Variants in DNAH7 observed in about 807,000 individuals in gnomAD.
The protein encoded by DNAH7 is dynein axonemal heavy chain 7.
DNAH7 carries 397 observed loss-of-function variants against 444.6 expected under a neutral mutation model. The observed-to-expected ratio is 0.89, with a 90% CI of 0.82 to 0.97. The LOEUF (loss-of-function observed/expected upper bound fraction) is 0.97. Ranked by LOEUF, DNAH7 falls within the 50% of genes least tolerant of loss-of-function variation. The probability of loss-of-function intolerance (pLI) is 0.00; values close to 1 mark genes in which losing one functional copy is unlikely to be tolerated. For missense variants in DNAH7, 4,902 were observed against 4,800.8 expected (o/e 1.02, Z -0.62); for synonymous variants, 1,636 against 1,624.4 (o/e 1.01, Z -0.17).
At chr2:195,959,943 T>A (rs1690966700) in intron 18 of DNAH7, among the ~76,000 whole-genome samples, 1 of 152,148 alleles carries the variant, frequency 6.6e-6, no homozygotes, top group African/African-American at 2.4e-5. Flanking sequence ...TTGTAGGCAA[T>A]AAAAACGAAT....
chr2:196,046,393 A>G (rs527471016), intron 5 of DNAH7, among the ~76,000 whole-genome samples: 1 of 152,332 alleles, frequency 6.6e-6, no homozygotes, highest in Non-Finnish European at 1.5e-5. Flanking sequence ...AAGTTGTGTC[A>G]AGAAAGCTTA....
chr2:195,970,057 T>C lies in DNAH7; in HGVS notation c.2096A>G (p.Tyr699Cys). 2.5e-6 allele frequency: 4 copies of C among 1,612,732 alleles called. No homozygotes were observed. The South Asian group carries it at 4.4e-5, about 18-fold the overall frequency. Reference sequence around the variant, plus strand: ...ATAAAATTCTTCTGATTGCTTAGCATAACTCTCCAATTCCTCCACAAACCG... The same window carrying C: ...ATAAAATTCTTCTGATTGCTTAGCACAACTCTCCAATTCCTCCACAAACCG... ...CERFVEELESYAKQSEEFYSF... is the reference protein window; with the variant it reads ...CERFVEELESCAKQSEEFYSF... Residue 699 changes from tyrosine (Y) to cysteine (C), a missense_variant, in exon 17 of 65, where the codon TAT becomes TGT. By Grantham distance (194) the Tyr-to-Cys change is radical. Transcript: ENST00000312428.
At chr2:195,906,410 A>AACACACACACACACACAC (rs150739355) in intron 27 of DNAH7, among the ~76,000 whole-genome samples, 8 of 139,846 alleles carry the variant, frequency 5.7e-5, no homozygotes, top group African/African-American at 2.3e-4. Flanking sequence ...TACACACAGA[A>AACACACACACACACACAC]ACACACACAC....
intron 12 of DNAH7, among the ~76,000 whole-genome samples, chr2:195,999,908 A>G (rs1269347436): frequency 6.6e-6 from 1 of 152,176 alleles, no homozygotes; most frequent in East Asian, 1.9e-4. Flanking sequence ...TAGTAAGCCT[A>G]TTTTTCAAAA....
At chr2:195,899,940 T>C (rs1686596165) in intron 28 of DNAH7, among the ~76,000 whole-genome samples, 1 of 152,192 alleles carries the variant, frequency 6.6e-6, no homozygotes, top group Admixed American at 6.5e-5. Context: ...TTAGAATCTT[T>C]TGTGTATATT....
At chr2:196,034,633 C>T (rs528291286) in intron 5 of DNAH7, among the ~76,000 whole-genome samples, 4 of 152,228 alleles carry the variant, frequency 2.6e-5, no homozygotes, top group South Asian at 4.1e-4. Context: ...TCAAAACTTA[C>T]TATGAAGCTA....
chr2:195,741,403 C>G (rs1233351045), intron 63 of DNAH7, among the ~76,000 whole-genome samples: 1 of 152,134 alleles, frequency 6.6e-6, no homozygotes, highest in Non-Finnish European at 1.5e-5. Flanking sequence ...ATGATGAACT[C>G]TCTCTAGAAT....
At chr2:195,920,034 C>A (rs144942443) in intron 24 of DNAH7, among the ~76,000 whole-genome samples, 3 of 152,072 alleles carry the variant, frequency 2.0e-5, no homozygotes, top group Non-Finnish European at 2.9e-5. Flanking sequence ...CAGAAAACCA[C>A]AAGGCATGAG....
At chr2:195,916,080 T>C (rs1342209827) in intron 24 of DNAH7, among the ~76,000 whole-genome samples, 1 of 152,192 alleles carries the variant, frequency 6.6e-6, no homozygotes, top group African/African-American at 2.4e-5. Flanking sequence ...ACAGACAGTC[T>C]TTTCAACAAA....
intron 22 of DNAH7, among the ~76,000 whole-genome samples, chr2:195,924,117 G>A (rs1419150103): frequency 6.6e-6 from 1 of 152,110 alleles, no homozygotes; most frequent in Non-Finnish European, 1.5e-5. Context: ...GCAATATGGA[G>A]GGGATGTGTG....
rs967017818 is a variant in DNAH7 at position 195,756,676 on chromosome 2, A to G, written c.11434-391T>C. ...CTACAGACATGCATCACCACACCCA[A>G]CTGATTTTTTACTTTAAAAATTTTT... is the stretch of plus-strand genomic sequence containing the variant. On this transcript the variant is annotated intron_variant, in intron 61 of 64. Transcript: ENST00000312428. Among the ~76,000 whole-genome samples the G allele has an allele frequency of 3.9e-5, 6 of 151,902 alleles. No individual in the cohort carries two copies. The East Asian group carries it at 7.8e-4, about 20-fold the overall frequency.
intron 9 of DNAH7, 106 bp downstream of exon 9, chr2:196,019,064 G>T: frequency 1.7e-6 from 2 of 1,143,890 alleles, no homozygotes; most frequent in Non-Finnish European, 2.3e-6. Flanking sequence ...ACATTAAAAT[G>T]GTAATGTTTT....
chr2:195,781,332 T>C (rs1329652293), intron 58 of DNAH7, among the ~76,000 whole-genome samples: 1 of 152,032 alleles, frequency 6.6e-6, no homozygotes, highest in African/African-American at 2.4e-5. Context: ...ATAGATGAGA[T>C]ATGGAGGAGG....
At chr2:196,055,873 C>A (rs1697769402) in intron 2 of DNAH7, among the ~76,000 whole-genome samples, 1 of 152,226 alleles carries the variant, frequency 6.6e-6, no homozygotes, top group African/African-American at 2.4e-5. Context: ...ATCTCTGCAT[C>A]ATCCATGCTG....
intron 15 of DNAH7, among the ~76,000 whole-genome samples, chr2:195,978,916 T>C (rs1378773087): frequency 6.6e-6 from 1 of 152,186 alleles, no homozygotes; most frequent in African/African-American, 2.4e-5. Flanking sequence ...GAGCACCAGG[T>C]ATATTAAGCA....
At chr2:195,769,846 T>G (rs760073436) in intron 61 of DNAH7, among the ~76,000 whole-genome samples, 14 of 152,160 alleles carry the variant, frequency 9.2e-5, no homozygotes, top group African/African-American at 2.9e-4. Flanking sequence ...TCAAATATAA[T>G]CAACGTGATA....
At chr2:195,828,805 G>A (rs1697919952) in intron 48 of DNAH7, among the ~76,000 whole-genome samples, 1 of 151,692 alleles carries the variant, frequency 6.6e-6, no homozygotes, top group Non-Finnish European at 1.5e-5. Flanking sequence ...ACCACTTGCT[G>A]GTGTGATGTA....
At chr2:195,859,286 G>T (rs768234400) in intron 42 of DNAH7, among the ~76,000 whole-genome samples, 1 of 152,108 alleles carries the variant, frequency 6.6e-6, no homozygotes, top group Non-Finnish European at 1.5e-5. Flanking sequence ...TGAAACAAGA[G>T]ATTTGTTTTA....
At chr2:195,888,042 C>G (rs974285879) in intron 33 of DNAH7, among the ~76,000 whole-genome samples, 8 of 152,008 alleles carry the variant, frequency 5.3e-5, no homozygotes, top group African/African-American at 1.9e-4. Context: ...CCTTTGAGTT[C>G]TCTTTTTTTT....
Sources: allele counts gnomAD v4.1 joint callset (sites outside exome capture counted in the v4.1 genomes callset), GRCh38; gene constraint gnomAD v4.1.1; transcripts MANE v1.5; gene names NCBI Gene and HGNC (gene_info 2026-07-23, HGNC 2026-07-21).